PDE7B: variants seen among roughly 807,000 people sequenced by gnomAD.
The protein encoded by PDE7B is phosphodiesterase 7B.
Under a neutral mutation model 56.2 loss-of-function variants are expected in PDE7B, and 29 were observed. The ratio of observed to expected loss-of-function variants is 0.52; its 90% confidence interval spans 0.38 to 0.70. The LOEUF is 0.70. PDE7B is among the 30% of genes least tolerant of loss of function. The pLI is 0.00. For synonymous variants in PDE7B, 197 were observed against 196.9 expected (o/e 1.00, Z 0.00); for missense variants, 490 against 565.0 (o/e 0.87, Z 1.35).
At chr6:135,960,042 T>C (rs917110039) in intron 2 of PDE7B, among the ~76,000 whole-genome samples, 6 of 152,098 alleles carry the variant, frequency 3.9e-5, no homozygotes, top group Admixed American at 2.6e-4. Context: ...CATAACAGAG[T>C]CTTAAGCAAA....
chr6:135,865,904 G>A (rs1775250956), intron 1 of PDE7B, among the ~76,000 whole-genome samples: 1 of 151,962 alleles, frequency 6.6e-6, no homozygotes, highest in Admixed American at 6.6e-5. Flanking sequence ...AAGAGAGTAA[G>A]GGTAGTGAGG....
At chr6:136,076,219 C>T (rs963750106) in intron 2 of PDE7B, among the ~76,000 whole-genome samples, 1 of 152,096 alleles carries the variant, frequency 6.6e-6, no homozygotes, top group African/African-American at 2.4e-5. Flanking sequence ...GCCTGTAATC[C>T]CAGCACTTTG....
At chr6:136,100,941 A>G (rs1446181707) in intron 2 of PDE7B, among the ~76,000 whole-genome samples, 2 of 152,204 alleles carry the variant, frequency 1.3e-5, no homozygotes, top group Non-Finnish European at 2.9e-5. Context: ...GATGTGTTCC[A>G]TCAATACATA....
chr6:136,040,814 C>T (rs2128209918), intron 2 of PDE7B, among the ~76,000 whole-genome samples: 1 of 152,238 alleles, frequency 6.6e-6, no homozygotes, highest in East Asian at 1.9e-4. Context: ...ATGTTTCTTC[C>T]TTGGCTCAGT....
chr6:135,874,766 A>T (rs942132628), intron 1 of PDE7B, among the ~76,000 whole-genome samples: 1 of 152,162 alleles, frequency 6.6e-6, no homozygotes, highest in African/African-American at 2.4e-5. Flanking sequence ...AAAATTGTCC[A>T]TTTGCTTACA....
chr6:135,900,348 C>A (rs1281615146), intron 1 of PDE7B, among the ~76,000 whole-genome samples: 1 of 151,782 alleles, frequency 6.6e-6, no homozygotes, highest in Non-Finnish European at 1.5e-5. Flanking sequence ...TTTATATGTT[C>A]TTTTATATCT....
At chr6:136,045,513 G>A (rs1299430064) in intron 2 of PDE7B, among the ~76,000 whole-genome samples, 1 of 152,150 alleles carries the variant, frequency 6.6e-6, no homozygotes, top group African/African-American at 2.4e-5. Flanking sequence ...TTCATCTGCT[G>A]TAACACAAAT....
At position 135,851,969 on chromosome 6, in the gene PDE7B, C is replaced by T; in HGVS notation, c.-30C>T. On this transcript the variant is annotated 5_prime_UTR_variant, in exon 1 of 13. Transcript: ENST00000308191. ...CACCGCTCAGAGATTTCACGGCATT[C>T]AAAGGTCACAGAACTGCCACTATGG... The T allele has an allele frequency of 6.3e-7, 1 of 1,589,266 alleles. No individual in the cohort carries two copies. The highest frequency in any genetic ancestry group is 8.6e-7 in the Non-Finnish European group (1 of 1,157,878).
rs141238045 is a variant in PDE7B at position 136,175,615 on chromosome 6, G to A, written c.803+1727G>A. 4.6e-4 allele frequency among the ~76,000 whole-genome samples: 70 copies of A among 151,980 alleles called. 1 individual carries two copies. The highest frequency in any genetic ancestry group is 3.0e-3 in the Admixed American group (45 of 15,254). The stretch of plus-strand genomic sequence containing the variant: ...TTGGGGAACTTATTTTACAGTTTAC[G>A]TCCTGAAATTTTTTATTTACAATAA... On this transcript the variant is annotated intron_variant, in intron 9 of 12. Transcript: ENST00000308191.
intron 1 of PDE7B, among the ~76,000 whole-genome samples, chr6:135,855,030 G>A (rs1775000329): frequency 6.6e-6 from 1 of 152,140 alleles, no homozygotes; most frequent in South Asian, 2.1e-4. Context: ...AGAAAGGGCG[G>A]TGAACAGAGG....
At chr6:136,025,524 G>A (rs943578641) in intron 2 of PDE7B, among the ~76,000 whole-genome samples, 9 of 152,320 alleles carry the variant, frequency 5.9e-5, no homozygotes, top group South Asian at 4.1e-4. Context: ...GATCCTAAAT[G>A]TCAGAATGAT....
chr6:136,010,324 G>T (rs142195286), intron 2 of PDE7B, among the ~76,000 whole-genome samples: 1 of 151,376 alleles, frequency 6.6e-6, no homozygotes, highest in African/African-American at 2.4e-5. Context: ...ATCTATACCA[G>T]GTTTTAGGAA....
intron 2 of PDE7B, among the ~76,000 whole-genome samples, chr6:135,980,964 G>T (rs527697011): frequency 6.7e-6 from 1 of 150,194 alleles, no homozygotes; most frequent in African/African-American, 2.4e-5. Flanking sequence ...AAATCATGCT[G>T]CTATGAAGAC....
At chr6:135,976,050 C>T (rs1157402253) in intron 2 of PDE7B, among the ~76,000 whole-genome samples, 1 of 152,096 alleles carries the variant, frequency 6.6e-6, no homozygotes, top group African/African-American at 2.4e-5. Flanking sequence ...TTCCAGTATC[C>T]AGACCTGCAG....
chr6:136,007,363 C>T (rs150747312), intron 2 of PDE7B, among the ~76,000 whole-genome samples: 58 of 152,104 alleles, frequency 3.8e-4, no homozygotes, highest in Non-Finnish European at 6.5e-4. Context: ...ATTGGCCTGA[C>T]GTTTTCTTTT....
chr6:135,943,069 T>C (rs1774533545), intron 1 of PDE7B, among the ~76,000 whole-genome samples: 1 of 152,240 alleles, frequency 6.6e-6, no homozygotes, highest in Non-Finnish European at 1.5e-5. Flanking sequence ...TTGTGACTTT[T>C]AAAATTAGAA....
chr6:136,127,830 GC>G (rs1194155284), intron 3 of PDE7B, among the ~76,000 whole-genome samples: 1 of 152,188 alleles, frequency 6.6e-6, no homozygotes, highest in African/African-American at 2.4e-5. Context: ...ATTTGCAACT[GC>G]AGCATTCACT....
chr6:135,896,161 C>A (rs6570053), intron 1 of PDE7B, among the ~76,000 whole-genome samples: 106,014 of 152,036 alleles, frequency 0.7, 37,601 homozygotes, highest in African/African-American at 0.83. Flanking sequence ...TATATGAAAA[C>A]GCGGGGAGAG....
intron 2 of PDE7B, among the ~76,000 whole-genome samples, chr6:136,104,153 A>T (rs1777608049): frequency 6.6e-6 from 1 of 151,992 alleles, no homozygotes; most frequent in South Asian, 2.1e-4. Flanking sequence ...AGGGGATGAC[A>T]TGTGATGTTG....
Sources: gnomAD v4.1 joint callset for allele counts (sites outside exome capture counted in the v4.1 genomes callset) on GRCh38, gnomAD v4.1.1 for gene constraint, MANE v1.5 for transcripts, NCBI Gene and HGNC (gene_info 2026-07-23, HGNC 2026-07-21) for gene names.